Variants in AUTS2 observed in about 807,000 individuals in gnomAD.
AUTS2 encodes autism susceptibility gene 2 protein.
A neutral mutation model predicts 112.4 loss-of-function variants in AUTS2; 17 were observed. The ratio of observed to expected loss-of-function variants is 0.15; its 90% CI spans 0.10 to 0.23. The LOEUF (loss-of-function observed/expected upper bound fraction) is 0.23. Ranked by LOEUF, AUTS2 falls within the 10% of genes least tolerant of loss-of-function variation. The pLI is 1.00. For synonymous variants in AUTS2, 751 were observed against 702.7 expected, an observed-to-expected ratio of 1.07 and a Z score of -1.09; for missense variants, 1,510 against 1,701.6, an observed-to-expected ratio of 0.89 and a Z score of 1.98.
chr7:70,732,662 G>A (rs112156608), intron 6 of AUTS2, among the ~76,000 whole-genome samples: 9 of 152,254 alleles, frequency 5.9e-5, no homozygotes, highest in African/African-American at 2.2e-4. Flanking sequence ...TGATGAGTTG[G>A]CCCAGGCAGG....
chr7:70,164,573 T>C (rs1397246841), intron 4 of AUTS2, among the ~76,000 whole-genome samples: 1 of 152,174 alleles, frequency 6.6e-6, no homozygotes, highest in Admixed American at 6.5e-5. Context: ...AGACCCTCAG[T>C]TGGCCTCTGT....
intron 1 of AUTS2, among the ~76,000 whole-genome samples, chr7:69,729,452 C>T (rs901665387): frequency 1.6e-4 from 17 of 105,844 alleles, no homozygotes; most frequent in African/African-American, 4.5e-4. Flanking sequence ...TTTATTTCTA[C>T]GATTTATATG....
intron 4 of AUTS2, among the ~76,000 whole-genome samples, chr7:70,167,417 TA>T (rs1808441731): frequency 6.6e-6 from 1 of 152,050 alleles, no homozygotes; most frequent in Non-Finnish European, 1.5e-5. Context: ...TCAGAATACA[TA>T]AAGCAAAAAC....
At chr7:69,914,486 C>A (rs1158750695) in intron 2 of AUTS2, among the ~76,000 whole-genome samples, 2 of 151,738 alleles carry the variant, frequency 1.3e-5, no homozygotes, top group Non-Finnish European at 2.9e-5. Flanking sequence ...GCATGCTGCA[C>A]ACCAAGCAAA....
chr7:70,181,948 C>T (rs1809334941), intron 4 of AUTS2, among the ~76,000 whole-genome samples: 1 of 151,924 alleles, frequency 6.6e-6, no homozygotes, highest in Admixed American at 6.6e-5. Flanking sequence ...CAGGCACCCG[C>T]CACCACGCCT....
At chr7:70,198,622 G>T (rs1282920423) in intron 4 of AUTS2, among the ~76,000 whole-genome samples, 3 of 101,116 alleles carry the variant, frequency 3.0e-5, no homozygotes, top group Non-Finnish European at 6.0e-5. Flanking sequence ...GAAATGAAGC[G>T]AGAAGGGAAG....
At chr7:69,899,986 A>C (rs1215961371) in intron 2 of AUTS2, among the ~76,000 whole-genome samples, 2 of 152,206 alleles carry the variant, frequency 1.3e-5, no homozygotes, top group Non-Finnish European at 2.9e-5. Context: ...ATGGCAAAAA[A>C]TGAATTTGCC....
At position 70,636,256 on chromosome 7, in the gene AUTS2, G is replaced by A. The variant is rs78464157; in HGVS notation, c.691-62313G>A. Among the ~76,000 whole-genome samples, 44 of 152,300 alleles carry A rather than the reference G, an allele frequency of 2.9e-4. 1 individual carries two copies. In the East Asian group the frequency reaches 8.5e-3, roughly 29 times the overall value. On this transcript the variant is annotated intron_variant, in intron 5 of 18. Transcript: ENST00000342771. ...AAACTCTAAGGCAGCATGTTCTCCA[G>A]GTGTGGTCCCTCACCAGCAGCATCG...
chr7:70,077,257 G>A (rs1450398256), intron 2 of AUTS2, among the ~76,000 whole-genome samples: 1 of 152,166 alleles, frequency 6.6e-6, no homozygotes, highest in Non-Finnish European at 1.5e-5. Flanking sequence ...ATTATTGGAT[G>A]GGATGGTTCT....
At chr7:70,751,305 C>A (rs911673471) in intron 6 of AUTS2, among the ~76,000 whole-genome samples, 1 of 152,172 alleles carries the variant, frequency 6.6e-6, no homozygotes, top group Non-Finnish European at 1.5e-5. Flanking sequence ...GTGAGCCTCG[C>A]GGCTTTGCCT....
rs545773985 is a variant in AUTS2 at position 70,536,296 on chromosome 7, T to TA, written c.690+100521dup. ...AGAGTGAGACTCCATCTCAAAAAAT[T>TA]AAAAAATAAAAGTAATTAAGAGTCA... On this transcript the variant is annotated intron_variant, in intron 5 of 18. Coordinates refer to ENST00000342771, the MANE Select transcript of AUTS2 (RefSeq NM_015570.4). 9.2e-5 allele frequency among the ~76,000 whole-genome samples: 14 copies of TA among 152,130 alleles called. No individual in the cohort carries two copies. In the South Asian group the frequency reaches 2.9e-3, roughly 32 times the overall value.
Position 69,763,851 on chromosome 7 carries a change from G to C in AUTS2, c.310-135435G>C, listed in dbSNP as rs139840184. ...CCTTAACTATACGGATGTATTTAGC[G>C]ATCTGCCTTAAATTGTGATGTGTTC... On this transcript the variant is annotated intron_variant, in intron 1 of 18. Coordinates refer to ENST00000342771, the MANE Select transcript of AUTS2 (RefSeq NM_015570.4). Among the ~76,000 whole-genome samples, 600 of 152,234 alleles carry C rather than the reference G, an allele frequency of 3.9e-3. 4 individuals carry two copies. The highest frequency in any genetic ancestry group is 5.9e-3 in the Non-Finnish European group (404 of 68,004).
intron 4 of AUTS2, among the ~76,000 whole-genome samples, chr7:70,424,871 GGC>G (rs1444817831): frequency 1.3e-5 from 2 of 152,206 alleles, no homozygotes; most frequent in Non-Finnish European, 2.9e-5. Context: ...AAAGGCATGA[GGC>G]ATTGCACCTG....
intron 1 of AUTS2, among the ~76,000 whole-genome samples, chr7:69,776,652 C>T (rs1788912317): frequency 6.6e-6 from 1 of 152,168 alleles, no homozygotes; most frequent in Non-Finnish European, 1.5e-5. Context: ...CTCCTGGCCT[C>T]AAGTAGTCCT....
intron 1 of AUTS2, among the ~76,000 whole-genome samples, chr7:69,662,959 C>A (rs1008919586): frequency 6.6e-6 from 1 of 152,154 alleles, no homozygotes; most frequent in Non-Finnish European, 1.5e-5. Context: ...ACAAATAGAT[C>A]AGACCAGAAG....
In AUTS2 at chr7:70,415,692, T is replaced by C. The variant is rs569677639; in HGVS notation, c.661-20060T>C. ...ACCCCAACATCTCTGCCACTTTCTC[T>C]TTCTCTCTTCTGTTTTGGGTGGAGA... On this transcript the variant is annotated intron_variant, in intron 4 of 18. Transcript: ENST00000342771. Among the ~76,000 whole-genome samples, 43 of 152,310 alleles carry C rather than the reference T, an allele frequency of 2.8e-4. No homozygotes were observed. The South Asian group carries it at 3.5e-3, about 12-fold the overall frequency.
intron 2 of AUTS2, among the ~76,000 whole-genome samples, chr7:69,935,399 G>A (rs1432364424): frequency 6.6e-6 from 1 of 152,194 alleles, no homozygotes; most frequent in Admixed American, 6.5e-5. Flanking sequence ...AACTAGGTGA[G>A]TAGCCTTTTC....
At chr7:69,805,128 A>AGT (rs1296168181) in intron 1 of AUTS2, among the ~76,000 whole-genome samples, 2 of 152,242 alleles carry the variant, frequency 1.3e-5, no homozygotes, top group East Asian at 3.8e-4. Context: ...CCACTGTGGC[A>AGT]GTGTTTATAG....
chr7:69,746,065 C>T (rs1433235256), intron 1 of AUTS2, among the ~76,000 whole-genome samples: 1 of 151,748 alleles, frequency 6.6e-6, no homozygotes, highest in Non-Finnish European at 1.5e-5. Flanking sequence ...TTTAGAGACA[C>T]GGTCTCCCTA....
Sources: gnomAD v4.1 joint callset for allele counts (sites outside exome capture counted in the v4.1 genomes callset) on GRCh38, gnomAD v4.1.1 for gene constraint, MANE v1.5 for transcripts, NCBI Gene and HGNC (gene_info 2026-07-23, HGNC 2026-07-21) for gene names.